Variants in KRT33B observed in about 807,000 individuals in gnomAD.
KRT33B encodes keratin, type I cuticular Ha3-II.
A neutral mutation model predicts 42.7 loss-of-function variants in KRT33B; 37 were observed. That is an observed-to-expected ratio of 0.87 (90% CI 0.67 to 1.14). KRT33B has a LOEUF of 1.14. KRT33B is among the 50% of genes most tolerant of loss of function. The pLI is 0.00. For missense variants in KRT33B, 523 were observed against 515.1 expected, an observed-to-expected ratio of 1.02 and a Z score of -0.15; for synonymous variants, 237 against 221.2, an observed-to-expected ratio of 1.07 and a Z score of -0.63.
In KRT33B at chr17:41,369,586, G is replaced by C. The variant is rs755574312; in HGVS notation, c.165C>G (p.Ser55Arg). 1 of 1,613,644 alleles carries C rather than the reference G, an allele frequency of 6.2e-7. No individual in the cohort carries two copies. Among genetic ancestry groups the C allele is most frequent in the Non-Finnish European group, 8.5e-7 (1 of 1,180,046 alleles). The change falls in exon 1 of 7, where the codon AGC (serine) becomes AGG (arginine). Residue 55 changes from serine (S) to arginine (R), a missense_variant. Ser to Arg is a moderately radical substitution (Grantham distance 110, BLOSUM62 -1). Transcript: ENST00000251646. ...TCAGGAACTGCATAGTCTCCTTCTCGCTGCCATTGAAGGAGCCCTCGCAGA... is the reference window on the plus strand; with the variant it reads ...TCAGGAACTGCATAGTCTCCTTCTCCCTGCCATTGAAGGAGCCCTCGCAGA... ...NWFCEGSFNG[S>R]EKETMQFLND...
intron 2 of KRT33B, among the ~76,000 whole-genome samples, chr17:41,366,829 T>A (rs2144299292): frequency 6.6e-6 from 1 of 151,548 alleles, no homozygotes; most frequent in South Asian, 2.1e-4. Flanking sequence ...GGAATGCCTG[T>A]GGATAGTTTA....
At position 41,363,738 on chromosome 17, in the gene KRT33B, G is replaced by A. The variant is rs775386444; in HGVS notation, c.*98C>T. The A allele has an allele frequency of 3.4e-5, 26 of 774,354 alleles. No individual in the cohort carries two copies. The highest frequency in any genetic ancestry group is 1.2e-4 in the African/African-American group (7 of 56,092). The allele number at this position is 774,354 out of a possible 1,614,324, so 48.0% of individuals were successfully genotyped here. ...AGACCATGATTTGTGGTGATGCCTC[G>A]GGGTGGGGTCCGGTGGCTGATGGTT... On this transcript the variant is annotated 3_prime_UTR_variant, in exon 7 of 7. Coordinates refer to ENST00000251646, the MANE Select transcript of KRT33B (RefSeq NM_002279.5).
chr17:41,368,169 C>T (rs1375399911), intron 1 of KRT33B, among the ~76,000 whole-genome samples, 179 bp from the exon 2 acceptor site: 1 of 151,350 alleles, frequency 6.6e-6, no homozygotes, highest in Non-Finnish European at 1.5e-5. Context: ...ACCAGGACAA[C>T]CAATGTGAAT....
At chr17:41,368,055 G>T in intron 1 of KRT33B, 65 bp from the exon 2 acceptor site, 2 of 1,492,690 alleles carry the variant, frequency 1.3e-6, no homozygotes, top group South Asian at 1.1e-5. Context: ...AAAGTGAAAT[G>T]CTATTTTCTT....
chr17:41,365,374 A>C lies in KRT33B; in HGVS notation c.750+18T>G. On this transcript the variant is annotated intron_variant, in intron 4 of 6. Coordinates refer to ENST00000251646, the MANE Select transcript of KRT33B (RefSeq NM_002279.5). ...GGGGGGCCTCGGGTCCTGAGTGGCC[A>C]CGTGCTTAGATGCCCACCTGCGTGG... 3 of 1,609,462 alleles carry C rather than the reference A, an allele frequency of 1.9e-6. No homozygotes were observed. Among genetic ancestry groups the C allele is most frequent in the Non-Finnish European group, 2.5e-6 (3 of 1,177,694 alleles).
Position 41,363,950 on chromosome 17 carries a change from C to G in KRT33B, c.1101G>C (p.Leu367=). 1 of 1,606,416 alleles carries G rather than the reference C, an allele frequency of 6.2e-7. No individual in the cohort carries two copies. Among genetic ancestry groups the G allele is most frequent in the Non-Finnish European group, 8.5e-7 (1 of 1,175,990 alleles). ...TGGTGGTGGCGCAGGGGTTGGAGGG[C>G]AGCCTGGGATGCAGAAGCATTAGAC... is the stretch of plus-strand genomic sequence containing the variant. ...RSLLESEDCK[L]PSNPCATTNA... Residue 367 remains leucine, a synonymous_variant, in exon 7 of 7, where the codon CTG becomes CTC. Coordinates refer to ENST00000251646, the MANE Select transcript of KRT33B (RefSeq NM_002279.5).
chr17:41,367,894 T>C lies in KRT33B; in HGVS notation c.431+14A>G. Reference sequence around the variant, plus strand: ...TCCGTTACTAGACTGCTCTGATGGTTAGGAAAATCTTACTTGGTTCTGAAG... The same window carrying C: ...TCCGTTACTAGACTGCTCTGATGGTCAGGAAAATCTTACTTGGTTCTGAAG... On this transcript the variant is annotated intron_variant, in intron 2 of 6. Coordinates refer to ENST00000251646, the MANE Select transcript of KRT33B (RefSeq NM_002279.5). 1 of 1,611,316 alleles carries C rather than the reference T, an allele frequency of 6.2e-7. No homozygotes were observed. Among genetic ancestry groups the C allele is most frequent in the Non-Finnish European group, 8.5e-7 (1 of 1,178,980 alleles).
chr17:41,365,539 C>T lies in KRT33B; in HGVS notation c.603G>A (p.Leu201=). 1 of 1,611,314 alleles carries T rather than the reference C, an allele frequency of 6.2e-7. No homozygotes were observed. The highest frequency in any genetic ancestry group is 8.5e-7 in the Non-Finnish European group (1 of 1,179,672). Reference sequence around the variant, plus strand: ...TGAGGCGGTCTCCAAGCTGGCAGCGCAAGGTGTTGACTTCCTAATGGAGAA... The same window carrying T: ...TGAGGCGGTCTCCAAGCTGGCAGCGTAAGGTGTTGACTTCCTAATGGAGAA... ...KQNHEQEVNT[L]RCQLGDRLNV... Residue 201 remains leucine, a synonymous_variant, in exon 4 of 7, where the codon TTG becomes TTA. Coordinates refer to ENST00000251646, the MANE Select transcript of KRT33B (RefSeq NM_002279.5).
At chr17:41,366,207 C>G (rs977610777) in intron 3 of KRT33B, among the ~76,000 whole-genome samples, 3 of 151,232 alleles carry the variant, frequency 2.0e-5, no homozygotes, top group African/African-American at 4.9e-5. Flanking sequence ...TAGCATCAAA[C>G]AGTAGACAGT....
chr17:41,363,867 C>A lies in KRT33B; in HGVS notation c.1184G>T (p.Arg395Leu). The stretch of plus-strand genomic sequence containing the variant: ...CCCAAAGGTGTTGCAAGGCCCACAG[C>A]GGGAACGAGGACCACAAGGATTGGT... ...CVTNPCGPRS[R>L]CGPCNTFGY The change falls in exon 7 of 7, where the codon CGC (arginine) becomes CTC (leucine). Residue 395 changes from arginine to leucine, a missense_variant. By Grantham distance (102) the Arg-to-Leu change is moderately radical. Transcript: ENST00000251646. The A allele has an allele frequency of 6.2e-7, 1 of 1,610,412 alleles. No individual in the cohort carries two copies. Among genetic ancestry groups the A allele is most frequent in the African/African-American group, 1.4e-5 (1 of 73,522 alleles).
intron 3 of KRT33B, 146 bp from the exon 4 acceptor site, chr17:41,365,699 C>A (rs1474961340): frequency 2.9e-6 from 3 of 1,040,760 alleles, no homozygotes; most frequent in Non-Finnish European, 4.1e-6. Context: ...GAAATTCTGG[C>A]CTCTTCTCTG....
At chr17:41,368,019 TTATAC>T in intron 1 of KRT33B, 29 bp from the exon 2 acceptor site, 1 of 1,601,336 alleles carries the variant, frequency 6.2e-7, no homozygotes, top group Non-Finnish European at 8.5e-7. Context: ...ATGAAATGGG[TTATAC>T]TAAGAAATGC....
intron 3 of KRT33B, among the ~76,000 whole-genome samples, chr17:41,365,933 T>A (rs2017695702): frequency 6.6e-6 from 1 of 151,424 alleles, no homozygotes; most frequent in Non-Finnish European, 1.5e-5. Context: ...CATGTTTTCA[T>A]CATGAAAACG....
intron 3 of KRT33B, among the ~76,000 whole-genome samples, 165 bp from the exon 4 acceptor site, chr17:41,365,718 C>T (rs1189996243): frequency 6.6e-6 from 1 of 151,314 alleles, no homozygotes; most frequent in Non-Finnish European, 1.5e-5. Context: ...TGAATCCCTT[C>T]CCTCATCTGT....
rs1301007801 is a variant in KRT33B at position 41,365,253 on chromosome 17, C to T, written c.798G>A (p.Gln266=). ...KQVVSSSEQL[Q]SYQAEIIELR... is the part of the protein sequence containing the mutation. The stretch of plus-strand genomic sequence containing the variant: ...GCTCGATGATCTCCGCCTGGTAGGA[C>T]TGCAGCTGCTCCGAGCTGGATACCA... The change falls in exon 5 of 7, where the codon CAG becomes CAA. Residue 266 remains glutamine (Q), a synonymous_variant. Coordinates refer to ENST00000251646, the MANE Select transcript of KRT33B (RefSeq NM_002279.5). 3 of 1,611,752 alleles carry T rather than the reference C, an allele frequency of 1.9e-6. No individual in the cohort carries two copies. The highest frequency in any genetic ancestry group is 1.1e-5 in the South Asian group (1 of 91,036).
chr17:41,364,754 G>A, intron 6 of KRT33B, 25 bp downstream of exon 6: 1 of 1,611,998 alleles, frequency 6.2e-7, no homozygotes, highest in Non-Finnish European at 8.5e-7. Flanking sequence ...GTCCCTTGCA[G>A]GGGTGCCGTC....
chr17:41,364,566 G>A (rs2017668691), intron 6 of KRT33B, among the ~76,000 whole-genome samples: 1 of 151,456 alleles, frequency 6.6e-6, no homozygotes, highest in Admixed American at 6.6e-5. Context: ...CTGGAGGAAG[G>A]AGTCAAGTCC....
In KRT33B at chr17:41,365,425, G is replaced by T. The variant is rs751941992; in HGVS notation, c.717C>A (p.Asn239Lys). The T allele has an allele frequency of 6.2e-7, 1 of 1,612,728 alleles. No individual in the cohort carries two copies. ...CGAACCATTGCTCCACTTCCCTGCGGTTGGTTTCCACCAGGGCCTCATACT... is the reference window on the plus strand; with the variant it reads ...CGAACCATTGCTCCACTTCCCTGCGTTTGGTTTCCACCAGGGCCTCATACT... ...RNQYEALVET[N>K]RREVEQWFAT... is the part of the protein sequence containing the mutation. The change falls in exon 4 of 7, where the codon AAC becomes AAA. Residue 239 changes from asparagine (N) to lysine (K), a missense_variant. Coordinates refer to ENST00000251646, the MANE Select transcript of KRT33B (RefSeq NM_002279.5).
Position 41,363,750 on chromosome 17 carries a change from G to A in KRT33B, c.*86C>T, listed in dbSNP as rs963470832. The A allele has an allele frequency of 4.5e-5, 39 of 866,042 alleles. No individual in the cohort carries two copies. The East Asian group carries it at 5.2e-4, about 12-fold the overall frequency. 53.6% of individuals were successfully genotyped at this position (866,042 alleles called of 1,614,324 possible). A position where few individuals can be genotyped will look rare whatever the true frequency, so the allele number is the denominator to read the frequency against. On this transcript the variant is annotated 3_prime_UTR_variant, in exon 7 of 7. Transcript: ENST00000251646. ...GTGGTGATGCCTCGGGGTGGGGTCC[G>A]GTGGCTGATGGTTGTCAGAGAGGCA...
Sources: gnomAD v4.1 joint callset for allele counts (sites outside exome capture counted in the v4.1 genomes callset) on GRCh38, gnomAD v4.1.1 for gene constraint, MANE v1.5 for transcripts, NCBI Gene and HGNC (gene_info 2026-07-23, HGNC 2026-07-21) for gene names.